The following EIF2AK4 variants were observed in gnomAD, a reference collection of about 807,000 sequenced individuals.
The protein encoded by EIF2AK4 is eukaryotic translation initiation factor 2 alpha kinase 4, also known as eIF-2-alpha kinase GCN2.
A neutral mutation model predicts 211.1 loss-of-function variants in EIF2AK4; 139 were observed. That is an observed-to-expected ratio of 0.66 (90% CI 0.57 to 0.76). The LOEUF (loss-of-function observed/expected upper bound fraction) is 0.76. Ranked by LOEUF, EIF2AK4 falls within the 30% of genes least tolerant of loss-of-function variation. The pLI, the probability that EIF2AK4 is intolerant of heterozygous loss-of-function variation, is 0.00. For missense variants in EIF2AK4, 1,664 were observed against 2,043.8 expected, an observed-to-expected ratio of 0.81 and a Z score of 3.58; for synonymous variants, 710 against 751.3, an observed-to-expected ratio of 0.94 and a Z score of 0.90.
Position 39,992,080 on chromosome 15 carries a change from T to C in EIF2AK4, c.2632-95T>C, listed in dbSNP as rs998324235. ...TTATTATATTATTTTGATTTCCATG[T>C]AATATTTCCTCAGTCTTCATTTAGA... On this transcript the variant is annotated intron_variant, in intron 16 of 38. Coordinates refer to ENST00000263791, the MANE Select transcript of EIF2AK4 (RefSeq NM_001013703.4). 3.5e-6 allele frequency: 4 copies of C among 1,143,576 alleles called. No individual in the cohort carries two copies. In the African/African-American group the frequency reaches 6.2e-5, roughly 18 times the overall value. 70.8% of individuals were successfully genotyped at this position (1,143,576 alleles called of 1,614,324 possible).
chr15:39,978,762 G>GT (rs1018785730), intron 13 of EIF2AK4, among the ~76,000 whole-genome samples: 12 of 152,058 alleles, frequency 7.9e-5, no homozygotes, highest in African/African-American at 2.9e-4. Flanking sequence ...AGATTGTGCT[G>GT]TTTTTTTAGT....
chr15:40,009,615 A>G lies in EIF2AK4; in HGVS notation c.3578A>G (p.Glu1193Gly), dbSNP rs1176347422. The change falls in exon 26 of 39, where the codon GAA becomes GGA. Residue 1193 changes from glutamate (E) to glycine (G), a missense_variant and splice_region_variant. Around this residue, in one of 7 missense-constraint regions of EIF2AK4, gnomAD observed 622 missense variants for 796.8 expected, o/e 0.78. Coordinates refer to ENST00000263791, the MANE Select transcript of EIF2AK4 (RefSeq NM_001013703.4). ...TAGTAATTTTTCTCCATATCCCAGG[A>G]AAGAAATTACAGTATTTATTTGAAC... ...EIIQEFPALQERNYSIYLNHT... is the reference protein window; with the variant it reads ...EIIQEFPALQGRNYSIYLNHT... 2.5e-6 allele frequency: 4 copies of G among 1,569,958 alleles called. No homozygotes were observed. The highest frequency in any genetic ancestry group is 1.7e-6 in the Non-Finnish European group (2 of 1,157,330).
rs1186476651 is a variant in EIF2AK4 at position 39,976,755 on chromosome 15, T to A, written c.2160T>A (p.Ser720Arg). Reference sequence around the variant, plus strand: ...GCACTTCGGGCGAGCGCTCGGCCAGTGCCCGTTTCCCCGCCACCGGCCCGG... The same window carrying A: ...GCACTTCGGGCGAGCGCTCGGCCAGAGCCCGTTTCCCCGCCACCGGCCCGG... ...EWSTSGERSA[S>R]ARFPATGPGS... The change falls in exon 12 of 39, where the codon AGT becomes AGA. Residue 720 changes from serine to arginine, a missense_variant. By Grantham distance (110) the Ser-to-Arg change is moderately radical (BLOSUM62 -1). Around this residue, in one of 7 missense-constraint regions of EIF2AK4, gnomAD observed 206 missense variants for 201.9 expected, o/e 1.02. Coordinates refer to ENST00000263791, the MANE Select transcript of EIF2AK4 (RefSeq NM_001013703.4). 1.3e-6 allele frequency: 2 copies of A among 1,598,086 alleles called. No individual in the cohort carries two copies. Among genetic ancestry groups the A allele is most frequent in the Non-Finnish European group, 1.7e-6 (2 of 1,175,266 alleles).
chr15:39,996,926 A>C lies in EIF2AK4; in HGVS notation c.2767-38A>C, dbSNP rs560991409. ...ATTCCCTGGTAAATTATACTTTCATATCAAGGCTCTCTAAATGCAATTATT... is the reference window on the plus strand; with the variant it reads ...ATTCCCTGGTAAATTATACTTTCATCTCAAGGCTCTCTAAATGCAATTATT... On this transcript the variant is annotated intron_variant, in intron 18 of 38. Coordinates refer to ENST00000263791, the MANE Select transcript of EIF2AK4 (RefSeq NM_001013703.4). 3 of 1,403,650 alleles carry C rather than the reference A, an allele frequency of 2.1e-6. No individual in the cohort carries two copies. In the South Asian group the frequency reaches 3.5e-5, roughly 16 times the overall value. 86.9% of individuals were successfully genotyped at this position (1,403,650 alleles called of 1,614,324 possible).
At chr15:39,934,984 T>C (rs1433693682) in intron 1 of EIF2AK4, among the ~76,000 whole-genome samples, 2 of 152,120 alleles carry the variant, frequency 1.3e-5, no homozygotes, top group Admixed American at 1.3e-4. Context: ...TGTCCAATCT[T>C]TTGGCTTCCC....
At position 39,996,964 on chromosome 15, in the gene EIF2AK4, A is replaced by G. The variant is rs1566998664; in HGVS notation, c.2767A>G (p.Lys923Glu). The G allele has an allele frequency of 1.2e-6, 2 of 1,607,444 alleles. No individual in the cohort carries two copies. Among genetic ancestry groups the G allele is most frequent in the Non-Finnish European group, 1.7e-6 (2 of 1,174,050 alleles). Residue 923 changes from lysine to glutamate, a missense_variant and splice_region_variant, in exon 19 of 39, where the codon AAA (lysine) becomes GAA (glutamate). This residue lies in a region of EIF2AK4 where 622 missense variants were observed against 796.8 expected (regional missense o/e 0.78). Coordinates refer to ENST00000263791, the MANE Select transcript of EIF2AK4 (RefSeq NM_001013703.4). ...QGSTKSAYNQ[K>E]VDLFSLGIIF... The stretch of plus-strand genomic sequence containing the variant: ...AAATGCAATTATTCTTCCCCCTCAG[A>G]AAGTGGATCTCTTCAGCCTGGGAAT...
chr15:39,940,557 T>G (rs545516467), intron 2 of EIF2AK4, among the ~76,000 whole-genome samples: 1 of 152,182 alleles, frequency 6.6e-6, no homozygotes, highest in Non-Finnish European at 1.5e-5. Context: ...AAAACTGTCC[T>G]GAGAGTATTA....
At chr15:39,934,637 C>T (rs986087128) in intron 1 of EIF2AK4, among the ~76,000 whole-genome samples, 1 of 152,200 alleles carries the variant, frequency 6.6e-6, no homozygotes, top group African/African-American at 2.4e-5. Flanking sequence ...ACATAACTGC[C>T]TCCTTCCAAC....
chr15:39,968,260 G>C (rs907360894), intron 9 of EIF2AK4, among the ~76,000 whole-genome samples: 2 of 152,234 alleles, frequency 1.3e-5, no homozygotes, highest in African/African-American at 4.8e-5. Flanking sequence ...AGCTTTGGGA[G>C]TGAGATTCTG....
chr15:40,008,231 A>G (rs2035187909), intron 25 of EIF2AK4, 36 bp downstream of exon 25: 1 of 1,549,596 alleles, frequency 6.5e-7, no homozygotes, highest in Non-Finnish European at 8.7e-7. Flanking sequence ...AAGATTCCCC[A>G]CTATATTTCT....
intron 3 of EIF2AK4, among the ~76,000 whole-genome samples, chr15:39,945,560 A>G (rs888127272): frequency 6.6e-6 from 1 of 152,248 alleles, no homozygotes; most frequent in Non-Finnish European, 1.5e-5. Flanking sequence ...GTGAAGCAGC[A>G]TGTGCTCATG....
At chr15:39,945,637 T>C (rs2034217283) in intron 3 of EIF2AK4, among the ~76,000 whole-genome samples, 1 of 152,200 alleles carries the variant, frequency 6.6e-6, no homozygotes, top group Non-Finnish European at 1.5e-5. Context: ...AGATTTTCAG[T>C]GTAGATGAAA....
At chr15:39,960,116 A>G (rs1390625005) in intron 6 of EIF2AK4, among the ~76,000 whole-genome samples, 1 of 149,916 alleles carries the variant, frequency 6.7e-6, no homozygotes, top group African/African-American at 2.5e-5. Context: ...GTGAGCCAAG[A>G]TCGCGCCACT....
rs2035083552 is a variant in EIF2AK4, at chr15:40,001,080, G to A, written c.3015G>A (p.Gln1005=). The part of the protein sequence containing the change: ...LLKSELLPPP[Q]MEESELHEVL... The stretch of plus-strand genomic sequence containing the variant: ...AGAGTGAGCTGCTGCCCCCACCCCA[G>A]ATGGAGGAGTCAGAGCTGCATGAAG... The change falls in exon 21 of 39, where the codon CAG becomes CAA. Residue 1005 remains glutamine, a synonymous_variant. Transcript: ENST00000263791. 1.2e-6 allele frequency: 2 copies of A among 1,614,166 alleles called. No homozygotes were observed. The highest frequency in any genetic ancestry group is 1.7e-5 in the Admixed American group (1 of 60,020).
Sources: allele counts gnomAD v4.1 joint callset (sites outside exome capture counted in the v4.1 genomes callset), GRCh38; gene constraint gnomAD v4.1.1; regional missense constraint gnomAD v4.1.1; transcripts MANE v1.5; gene names NCBI Gene and HGNC (gene_info 2026-07-23, HGNC 2026-07-21).